The following PTPRJ variants were observed in gnomAD, a reference collection of about 807,000 sequenced individuals.
PTPRJ encodes the protein receptor-type tyrosine-protein phosphatase eta.
A neutral mutation model predicts 141.3 loss-of-function variants in PTPRJ; 129 were observed. That is an observed-to-expected ratio of 0.91 (90% CI 0.79 to 1.06). PTPRJ has a LOEUF of 1.06. PTPRJ is among the 50% of genes least tolerant of loss of function. The pLI is 0.00. For synonymous variants in PTPRJ, 610 were observed against 640.5 expected (o/e 0.95, Z 0.72); for missense variants, 1,601 against 1,679.7 (o/e 0.95, Z 0.82).
rs749930386 is a variant in PTPRJ, at chr11:48,163,616, C to G, written c.3717C>G (p.Cys1239Trp). 3 of 1,611,762 alleles carry G rather than the reference C, an allele frequency of 1.9e-6. No homozygotes were observed. The change falls in exon 23 of 25, where the codon TGC becomes TGG. Residue 1239 changes from cysteine (C) to tryptophan (W), a missense_variant and splice_region_variant. Coordinates refer to ENST00000418331, the MANE Select transcript of PTPRJ (RefSeq NM_002843.4). The part of the protein sequence containing the change: ...SPPESPILVH[C>W]SAGVGRTGTF... ...CCGAATCGCCGATTCTGGTGCATTG[C>G]AGGTACGCAGATGGCACGTCACGTG...
chr11:48,099,876 GA>G (rs1182771505), intron 1 of PTPRJ, among the ~76,000 whole-genome samples: 1 of 152,156 alleles, frequency 6.6e-6, no homozygotes, highest in African/African-American at 2.4e-5. Context: ...GTGCTGTCTG[GA>G]TTGAAGTTGA....
chr11:48,090,460 G>A lies in PTPRJ; in HGVS notation c.97-19598G>A, dbSNP rs1032394192. Among the ~76,000 whole-genome samples, 2 of 152,290 alleles carry A rather than the reference G, an allele frequency of 1.3e-5. 1 individual carries two copies. The highest frequency in any genetic ancestry group is 4.1e-4 in the South Asian group (2 of 4,830). On this transcript the variant is annotated intron_variant, in intron 1 of 24. Transcript: ENST00000418331. ...AAGCCACCCCTAAGGAGAAGGCTTC[G>A]ATGTCATCTTCTGGTCAGAGCCGAG...
chr11:48,079,932 G>T (rs1468591660), intron 1 of PTPRJ, among the ~76,000 whole-genome samples: 2 of 152,152 alleles, frequency 1.3e-5, no homozygotes, highest in Non-Finnish European at 2.9e-5. Flanking sequence ...GGAGACCCCA[G>T]AGGACAGCAG....
chr11:48,096,653 C>G (rs1242729731), intron 1 of PTPRJ: 2 of 154,556 alleles, frequency 1.3e-5, no homozygotes, highest in Admixed American at 6.5e-5. Flanking sequence ...TGTTGAGGCC[C>G]TTCCTGGGGG....
chr11:48,136,350 A>G (rs1005499068), intron 9 of PTPRJ, 54 bp downstream of exon 9: 4 of 1,577,516 alleles, frequency 2.5e-6, no homozygotes, highest in Admixed American at 3.5e-5. Context: ...TGTCTCTTGG[A>G]GGAGGCACTG....
chr11:48,003,701 G>T (rs1854557010), intron 1 of PTPRJ, among the ~76,000 whole-genome samples: 1 of 152,124 alleles, frequency 6.6e-6, no homozygotes, highest in Admixed American at 6.6e-5. Flanking sequence ...TCATCATGAT[G>T]GCCAGGCTGG....
At chr11:48,040,668 C>T (rs1854252679) in intron 1 of PTPRJ, among the ~76,000 whole-genome samples, 2 of 144,128 alleles carry the variant, frequency 1.4e-5, no homozygotes, top group South Asian at 4.3e-4. Context: ...ATGGTGCAGT[C>T]TCGGCTTACT....
chr11:48,074,061 C>T (rs951748824), intron 1 of PTPRJ, among the ~76,000 whole-genome samples: 1 of 152,168 alleles, frequency 6.6e-6, no homozygotes, highest in Non-Finnish European at 1.5e-5. Context: ...CTCACTGCAG[C>T]CTTGACCTCC....
At chr11:48,096,422 G>A (rs1455796453) in intron 1 of PTPRJ, among the ~76,000 whole-genome samples, 1 of 152,158 alleles carries the variant, frequency 6.6e-6, no homozygotes, top group Non-Finnish European at 1.5e-5. Context: ...GTTGAAGGGA[G>A]AACTGGAAGA....
At chr11:48,130,364 A>C in intron 7 of PTPRJ, 95 bp from the exon 8 acceptor site, 3 of 1,269,018 alleles carry the variant, frequency 2.4e-6, no homozygotes, top group Non-Finnish European at 3.3e-6. Context: ...CAGGTGTCCT[A>C]AGTGTACATT....
intron 1 of PTPRJ, among the ~76,000 whole-genome samples, chr11:48,040,185 T>TA (rs968167737): frequency 6.6e-6 from 1 of 152,246 alleles, no homozygotes; most frequent in Non-Finnish European, 1.5e-5. Context: ...AAACTGCAGG[T>TA]AGGTGTTACT....
chr11:48,102,504 G>A lies in PTPRJ; in HGVS notation c.97-7554G>A, dbSNP rs751854321. ...GCTCACTGCAACCTCTGCCTCCCAG[G>A]TTCAAGCGATTCTCCTGCGTCAGCC... On this transcript the variant is annotated intron_variant, in intron 1 of 24. Transcript: ENST00000418331. 5.3e-5 allele frequency among the ~76,000 whole-genome samples: 8 copies of A among 152,014 alleles called. 1 individual carries two copies. The highest frequency in any genetic ancestry group is 1.0e-4 in the Non-Finnish European group (7 of 68,018).
chr11:48,121,797 G>C (rs1408858775), intron 4 of PTPRJ, among the ~76,000 whole-genome samples: 1 of 151,684 alleles, frequency 6.6e-6, no homozygotes, highest in East Asian at 1.9e-4. Context: ...TGCAAACTTA[G>C]CTTTTTTTTT....
intron 1 of PTPRJ, 128 bp from the exon 2 acceptor site, chr11:48,109,930 C>A: frequency 1.9e-6 from 2 of 1,027,588 alleles, no homozygotes; most frequent in South Asian, 1.4e-5. Context: ...CCCTGACCAG[C>A]AGACCTTTGC....
At chr11:48,089,515 CA>C (rs56252336) in intron 1 of PTPRJ, among the ~76,000 whole-genome samples, 2,169 of 116,370 alleles carry the variant, frequency 0.019, 28 homozygotes, top group African/African-American at 0.053. Context: ...GACTCCATCT[CA>C]AAAAAAAAAA....
Position 48,123,817 on chromosome 11 carries a change from T to A in PTPRJ, c.821T>A (p.Leu274His). 1 of 1,614,114 alleles carries A rather than the reference T, an allele frequency of 6.2e-7. No homozygotes were observed. Among genetic ancestry groups the A allele is most frequent in the Non-Finnish European group, 8.5e-7 (1 of 1,179,990 alleles). Residue 274 changes from leucine to histidine, a missense_variant, in exon 5 of 25, where the codon CTT (leucine) becomes CAT (histidine). Physicochemically the swap from Leu to His is moderately conservative, Grantham distance 99. Coordinates refer to ENST00000418331, the MANE Select transcript of PTPRJ (RefSeq NM_002843.4). Reference sequence around the variant, plus strand: ...GTTCAATACAACATCAACCCGTATCTTCTACAATCAAATAAGACAAAGGGA... The same window carrying A: ...GTTCAATACAACATCAACCCGTATCATCTACAATCAAATAAGACAAAGGGA... Reference protein sequence around the residue: ...PGVQYNINPYLLQSNKTKGDP... With the variant: ...PGVQYNINPYHLQSNKTKGDP...
chr11:48,090,369 C>T (rs1371097581), intron 1 of PTPRJ, among the ~76,000 whole-genome samples: 13 of 152,256 alleles, frequency 8.5e-5, no homozygotes. Context: ...AGACCCCCAG[C>T]TCACACTGGT....
chr11:48,008,448 C>T (rs569152565), intron 1 of PTPRJ, among the ~76,000 whole-genome samples: 24 of 151,026 alleles, frequency 1.6e-4, no homozygotes, highest in East Asian at 1.4e-3. Flanking sequence ...TTAGTAGAGA[C>T]GGGGTTTCAC....
At chr11:48,040,352 C>T (rs1854243422) in intron 1 of PTPRJ, among the ~76,000 whole-genome samples, 1 of 152,196 alleles carries the variant, frequency 6.6e-6, no homozygotes. Flanking sequence ...TTCCCCAGAG[C>T]CCAAATTTGG....
Sources: gnomAD v4.1 joint callset for allele counts (sites outside exome capture counted in the v4.1 genomes callset) on GRCh38, gnomAD v4.1.1 for gene constraint, MANE v1.5 for transcripts, NCBI Gene and HGNC (gene_info 2026-07-23, HGNC 2026-07-21) for gene names.